GRM8: variants seen among roughly 807,000 people sequenced by gnomAD.
GRM8 encodes metabotropic glutamate receptor 8.
A neutral mutation model predicts 87.2 loss-of-function variants in GRM8; 47 were observed. That is an observed-to-expected ratio of 0.54 (90% confidence interval 0.43 to 0.69). The LOEUF (loss-of-function observed/expected upper bound fraction) is 0.69, where lower values mean the gene tolerates loss of function less well. Ranked by LOEUF, GRM8 falls within the 30% of genes least tolerant of loss-of-function variation. The pLI is 0.00. For missense variants in GRM8, 1,019 were observed against 1,139.2 expected (o/e 0.89, Z 1.52); for synonymous variants, 396 against 404.5 (o/e 0.98, Z 0.25).
intron 7 of GRM8, among the ~76,000 whole-genome samples, chr7:126,627,391 G>A (rs1300626166): frequency 6.6e-6 from 1 of 152,190 alleles, no homozygotes; most frequent in Non-Finnish European, 1.5e-5. Context: ...AATGTCAGTA[G>A]TTTCATGTTT....
At position 127,242,880 on chromosome 7, in the gene GRM8, C is replaced by T. The variant is rs1283177760; in HGVS notation, c.325G>A (p.Asp109Asn). ...GVRILDTCSRDTYALEQSLTF... is the reference protein window; with the variant it reads ...GVRILDTCSRNTYALEQSLTF... ...AGAGACTGCTCCAAAGCATAGGTGTCCCTAGAGCACGTGTCGAGGATGCGG... is the reference window on the plus strand; with the variant it reads ...AGAGACTGCTCCAAAGCATAGGTGTTCCTAGAGCACGTGTCGAGGATGCGG... Residue 109 changes from aspartate to asparagine, a missense_variant, in exon 2 of 11, where the codon GAC (aspartate) becomes AAC (asparagine). Transcript: ENST00000339582. 6.2e-7 allele frequency: 1 copy of T among 1,614,058 alleles called. No homozygotes were observed. Among genetic ancestry groups the T allele is most frequent in the Non-Finnish European group, 8.5e-7 (1 of 1,179,958 alleles).
intron 2 of GRM8, among the ~76,000 whole-genome samples, chr7:127,139,460 C>A (rs1251911873): frequency 1.3e-5 from 2 of 152,170 alleles, no homozygotes; most frequent in South Asian, 4.1e-4. Context: ...GAGCAGTGAG[C>A]AAACTGCCTC....
In GRM8 at chr7:126,818,567, G is replaced by A. The variant is rs186826810; in HGVS notation, c.1157-48502C>T. On this transcript the variant is annotated intron_variant, in intron 6 of 10. Coordinates refer to ENST00000339582, the MANE Select transcript of GRM8 (RefSeq NM_000845.3). ...AGCTATAATAATTTTATTTTTCCTG[G>A]TTTATTCAGTCTGCCTCAGATAAAA... 7.9e-5 allele frequency among the ~76,000 whole-genome samples: 12 copies of A among 152,126 alleles called. 1 individual carries two copies. The South Asian group carries it at 2.1e-3, about 26-fold the overall frequency.
intron 3 of GRM8, among the ~76,000 whole-genome samples, chr7:126,947,482 T>C (rs1807667225): frequency 6.6e-6 from 1 of 152,118 alleles, no homozygotes; most frequent in Admixed American, 6.5e-5. Flanking sequence ...TTTGAGCAAG[T>C]AACTTAATTT....
chr7:126,831,818 C>T (rs904334783), intron 6 of GRM8, among the ~76,000 whole-genome samples: 7 of 152,214 alleles, frequency 4.6e-5, no homozygotes, highest in East Asian at 1.9e-4. Flanking sequence ...TGTTCCTATT[C>T]GGCCATCTTG....
chr7:126,722,575 G>T (rs1812501738), intron 7 of GRM8, among the ~76,000 whole-genome samples: 1 of 151,968 alleles, frequency 6.6e-6, no homozygotes, highest in Admixed American at 6.6e-5. Context: ...GTTTCCTATA[G>T]CCTTGAAGAT....
chr7:126,561,645 C>A (rs1793712276), intron 8 of GRM8, among the ~76,000 whole-genome samples: 2 of 150,814 alleles, frequency 1.3e-5, no homozygotes, highest in Admixed American at 6.6e-5. Context: ...TATTATTATA[C>A]TTTAAGTTTT....
intron 3 of GRM8, among the ~76,000 whole-genome samples, chr7:126,966,067 A>G (rs1352923239): frequency 6.6e-6 from 1 of 152,154 alleles, no homozygotes; most frequent in African/African-American, 2.4e-5. Flanking sequence ...GAGCCAAAAT[A>G]TATCTCCATA....
intron 7 of GRM8, among the ~76,000 whole-genome samples, chr7:126,728,983 G>C (rs371817322): frequency 2.6e-5 from 4 of 152,164 alleles, no homozygotes; most frequent in African/African-American, 9.6e-5. Context: ...TTTTCAGAAA[G>C]GCTTTTTCTC....
chr7:126,820,383 T>C (rs369581767), intron 6 of GRM8, among the ~76,000 whole-genome samples: 4 of 152,176 alleles, frequency 2.6e-5, no homozygotes, highest in Non-Finnish European at 4.4e-5. Flanking sequence ...GAAATCCAAA[T>C]TGAAACAATA....
chr7:126,574,734 C>T (rs183858548), intron 8 of GRM8, among the ~76,000 whole-genome samples: 2 of 152,278 alleles, frequency 1.3e-5, no homozygotes, highest in Non-Finnish European at 1.5e-5. Flanking sequence ...TAATTAGACA[C>T]TCACAGAATA....
At position 126,822,436 on chromosome 7, in the gene GRM8, G is replaced by C. The variant is rs79809519; in HGVS notation, c.1157-52371C>G. The stretch of plus-strand genomic sequence containing the variant: ...TTTTATGAGTGCTTACCTGCACTCA[G>C]GCCCTTCCTTCCTTCCTTTCCTTCC... On this transcript the variant is annotated intron_variant, in intron 6 of 10. Coordinates refer to ENST00000339582, the MANE Select transcript of GRM8 (RefSeq NM_000845.3). 2.3e-3 allele frequency among the ~76,000 whole-genome samples: 346 copies of C among 151,944 alleles called. 1 individual carries two copies. The highest frequency in any genetic ancestry group is 7.8e-3 in the African/African-American group (325 of 41,448).
chr7:126,566,760 C>T (rs188989461), intron 8 of GRM8, among the ~76,000 whole-genome samples: 8 of 152,184 alleles, frequency 5.3e-5, no homozygotes, highest in African/African-American at 1.7e-4. Flanking sequence ...TCACAAGAGT[C>T]AAGATGTGGA....
At chr7:126,963,548 A>T (rs1446460475) in intron 3 of GRM8, among the ~76,000 whole-genome samples, 1 of 152,198 alleles carries the variant, frequency 6.6e-6, no homozygotes, top group African/African-American at 2.4e-5. Context: ...GAGCCAAATC[A>T]TGAGTGAACT....
chr7:127,010,849 T>C (rs2132106953), intron 3 of GRM8, among the ~76,000 whole-genome samples: 1 of 152,154 alleles, frequency 6.6e-6, no homozygotes, highest in South Asian at 2.1e-4. Flanking sequence ...TTTGAGTAGA[T>C]ATGATATTCA....
chr7:126,614,803 G>T (rs935748134), intron 7 of GRM8, among the ~76,000 whole-genome samples: 6 of 152,186 alleles, frequency 3.9e-5, no homozygotes, highest in Non-Finnish European at 8.8e-5. Context: ...ATGCAATGAA[G>T]CGAGAACAGA....
At chr7:126,758,262 G>T (rs765203256) in intron 7 of GRM8, among the ~76,000 whole-genome samples, 1 of 152,130 alleles carries the variant, frequency 6.6e-6, no homozygotes, top group African/African-American at 2.4e-5. Context: ...GCCAGGCATC[G>T]TGTTAAGTTC....
At chr7:126,689,985 C>T (rs1030834365) in intron 7 of GRM8, among the ~76,000 whole-genome samples, 8 of 152,006 alleles carry the variant, frequency 5.3e-5, no homozygotes, top group African/African-American at 1.9e-4. Context: ...GGAAGTTGGC[C>T]CGAGGATGAC....
At chr7:127,061,311 G>A (rs112085725) in intron 3 of GRM8, among the ~76,000 whole-genome samples, 1,689 of 152,154 alleles carry the variant, frequency 0.011, 28 homozygotes, top group African/African-American at 0.037. Context: ...ATCTCATTTC[G>A]TGCAGTTACT....
Sources: gnomAD v4.1 joint callset for allele counts (sites outside exome capture counted in the v4.1 genomes callset) on GRCh38, gnomAD v4.1.1 for gene constraint, MANE v1.5 for transcripts, NCBI Gene and HGNC (gene_info 2026-07-23, HGNC 2026-07-21) for gene names.